Variants in PRKN observed in about 807,000 individuals in gnomAD.
PRKN encodes E3 ubiquitin-protein ligase parkin.
Under a neutral mutation model 59.5 loss-of-function variants are expected in PRKN, and 56 were observed. The observed-to-expected ratio is 0.94, with a 90% CI of 0.76 to 1.18. The LOEUF (loss-of-function observed/expected upper bound fraction) is 1.18, where lower values mean the gene tolerates loss of function less well. Ranked by LOEUF, PRKN falls within the 50% of genes most tolerant of loss-of-function variation. PRKN has a pLI of 0.00. For missense variants in PRKN, 657 were observed against 596.4 expected (o/e 1.10, Z -1.06); for synonymous variants, 250 against 222.1 (o/e 1.13, Z -1.12).
chr6:162,497,180 C>T (rs1793105110), intron 1 of PRKN, among the ~76,000 whole-genome samples: 2 of 152,140 alleles, frequency 1.3e-5, no homozygotes, highest in Non-Finnish European at 2.9e-5. Context: ...ATTAACCTCC[C>T]TTTGTGCCCC....
intron 7 of PRKN, among the ~76,000 whole-genome samples, chr6:161,782,872 C>T (rs138188696): frequency 0.017 from 2,628 of 151,248 alleles, 68 homozygotes; most frequent in African/African-American, 0.06. Context: ...CCAGCCTCGG[C>T]GACAGAGCAA....
chr6:161,802,072 G>A (rs1430472466), intron 6 of PRKN, among the ~76,000 whole-genome samples: 1 of 152,078 alleles, frequency 6.6e-6, no homozygotes, highest in Admixed American at 6.5e-5. Flanking sequence ...GAATGGAGAG[G>A]AGTAGAGAAG....
intron 6 of PRKN, among the ~76,000 whole-genome samples, chr6:161,833,822 C>T (rs754793643): frequency 3.3e-5 from 5 of 152,152 alleles, no homozygotes; most frequent in Non-Finnish European, 7.3e-5. Flanking sequence ...CTGTTCCTAT[C>T]CCATGGGTCC....
chr6:161,509,632 C>T (rs909288226), intron 9 of PRKN, among the ~76,000 whole-genome samples: 1 of 77,924 alleles, frequency 1.3e-5, no homozygotes, highest in Non-Finnish European at 3.1e-5. Flanking sequence ...GTAATCTCAA[C>T]ACTTGGTGAG....
At position 161,503,884 on chromosome 6, in the gene PRKN, G is replaced by C. The variant is rs1333766457; in HGVS notation, c.1083+44970C>G. ...TAATGATGATTATATCACCACCAGA[G>C]TCCCCTTCAGCCTTGATCATTGAGA... On this transcript the variant is annotated intron_variant, in intron 9 of 11. Transcript: ENST00000366898. The surrounding 1 kb of genome is among the most constrained non-coding windows in gnomAD (Gnocchi z 5.1). Among the ~76,000 whole-genome samples, 1 of 152,146 alleles carries C rather than the reference G, an allele frequency of 6.6e-6. No individual in the cohort carries two copies. Among genetic ancestry groups the C allele is most frequent in the African/African-American group, 2.4e-5 (1 of 41,432 alleles).
chr6:162,198,731 C>T (rs568527910), intron 4 of PRKN, among the ~76,000 whole-genome samples: 1 of 151,790 alleles, frequency 6.6e-6, no homozygotes, highest in African/African-American at 2.4e-5. Context: ...ACCTCTACTG[C>T]TCTGCATCAA....
chr6:162,364,556 T>A (rs570318285), intron 2 of PRKN, among the ~76,000 whole-genome samples: 33 of 152,254 alleles, frequency 2.2e-4, no homozygotes, highest in Middle Eastern at 3.4e-3. Flanking sequence ...GCTTCAAACA[T>A]CAAAGAAGGT....
chr6:161,608,491 T>G (rs2128145713), intron 7 of PRKN, among the ~76,000 whole-genome samples: 1 of 152,188 alleles, frequency 6.6e-6, no homozygotes, highest in South Asian at 2.1e-4. Context: ...AGATAGTAGT[T>G]AAAATTAAAG....
At chr6:162,398,192 C>A (rs1464521242) in intron 2 of PRKN, among the ~76,000 whole-genome samples, 2 of 152,148 alleles carry the variant, frequency 1.3e-5, no homozygotes, top group South Asian at 4.1e-4. Flanking sequence ...CTATGTAATA[C>A]AAACATGAAA....
chr6:162,473,663 T>A (rs890104371), intron 1 of PRKN, among the ~76,000 whole-genome samples: 1 of 152,212 alleles, frequency 6.6e-6, no homozygotes, highest in Non-Finnish European at 1.5e-5. Context: ...TCATTCTTTT[T>A]TTGTACCAAG....
At chr6:161,897,839 C>A (rs997228101) in intron 6 of PRKN, among the ~76,000 whole-genome samples, 3 of 149,856 alleles carry the variant, frequency 2.0e-5, no homozygotes, top group South Asian at 2.1e-4. Context: ...TAGTGGCGGG[C>A]GCCTGTAGTC....
chr6:162,668,496 G>C (rs1459287908), intron 1 of PRKN, among the ~76,000 whole-genome samples: 1 of 151,300 alleles, frequency 6.6e-6, no homozygotes, highest in Admixed American at 6.6e-5. Flanking sequence ...CCAGAGACGG[G>C]GAAAAACTGA....
intron 6 of PRKN, among the ~76,000 whole-genome samples, chr6:161,806,443 T>A (rs1791326921): frequency 6.6e-6 from 1 of 152,172 alleles, no homozygotes; most frequent in Non-Finnish European, 1.5e-5. Context: ...GTTCCCTCCT[T>A]AGCAGCAAAA....
At chr6:161,425,177 A>G (rs1382029231) in intron 9 of PRKN, among the ~76,000 whole-genome samples, 1 of 152,140 alleles carries the variant, frequency 6.6e-6, no homozygotes, top group Admixed American at 6.5e-5. Flanking sequence ...TGAGAGGCTC[A>G]TATAACTACT....
At chr6:162,533,988 A>AAAAGG (rs71004099) in intron 1 of PRKN, among the ~76,000 whole-genome samples, 1 of 143,678 alleles carries the variant, frequency 7.0e-6, no homozygotes, top group African/African-American at 2.5e-5. Context: ...AAAAAAAAAA[A>AAAAGG]GAGATATGAA....
intron 7 of PRKN, among the ~76,000 whole-genome samples, chr6:161,755,100 T>G (rs955403208): frequency 4.6e-5 from 7 of 152,168 alleles, no homozygotes; most frequent in African/African-American, 1.7e-4. Context: ...ACTTAAATTT[T>G]TTATTCCTTT....
In PRKN at chr6:161,545,375, G is replaced by T. The variant is rs779959307; in HGVS notation, c.1083+3479C>A. 4 of 1,611,864 alleles carry T rather than the reference G, an allele frequency of 2.5e-6. No individual in the cohort carries two copies. Among genetic ancestry groups the T allele is most frequent in the Non-Finnish European group, 3.4e-6 (4 of 1,179,356 alleles). ...TGCTACCAATGACTTTTCCTTGAAC[G>T]ATGTATTGAATGAGGCACTCACTTC... On this transcript the variant is annotated intron_variant, in intron 9 of 11. Transcript: ENST00000366898. This position sits in a 1 kb window ranked among gnomAD's most constrained non-coding sequence, Gnocchi z 4.1.
chr6:161,688,174 G>A (rs567033974), intron 7 of PRKN, among the ~76,000 whole-genome samples: 1 of 152,312 alleles, frequency 6.6e-6, no homozygotes, highest in African/African-American at 2.4e-5. Flanking sequence ...AAGTGAAGGA[G>A]ACACAAACCA....
At chr6:162,601,396 A>G (rs1781705627) in intron 1 of PRKN, among the ~76,000 whole-genome samples, 1 of 152,008 alleles carries the variant, frequency 6.6e-6, no homozygotes. Context: ...AAAGTATGTA[A>G]TATTTGTTTA....
Sources: allele counts gnomAD v4.1 joint callset (sites outside exome capture counted in the v4.1 genomes callset), GRCh38; gene constraint gnomAD v4.1.1; non-coding constraint Gnocchi (gnomAD v3.1); transcripts MANE v1.5; gene names NCBI Gene and HGNC (gene_info 2026-07-23, HGNC 2026-07-21).